The following PIAS2 variants were observed in gnomAD, a reference collection of about 807,000 sequenced individuals.
PIAS2 encodes the protein E3 SUMO-protein ligase PIAS2.
A neutral mutation model predicts 69.7 loss-of-function variants in PIAS2; 19 were observed. The ratio of observed to expected loss-of-function variants is 0.27; its 90% confidence interval spans 0.19 to 0.40. PIAS2 has a LOEUF of 0.40. Among genes scored for constraint, PIAS2 ranks in the 10% least tolerant of loss-of-function variants. PIAS2 has a pLI of 1.00. For synonymous variants in PIAS2, 261 were observed against 263.2 expected, an observed-to-expected ratio of 0.99 and a Z score of 0.08; for missense variants, 624 against 757.0, an observed-to-expected ratio of 0.82 and a Z score of 2.06.
chr18:46,860,437 C>T (rs900341214), intron 3 of PIAS2, among the ~76,000 whole-genome samples: 1 of 152,182 alleles, frequency 6.6e-6, no homozygotes, highest in Non-Finnish European at 1.5e-5. Flanking sequence ...CCCTGGAGAA[C>T]TGATCAATTC....
chr18:46,807,355 TTATATA>T lies in PIAS2; in HGVS notation c.*5072_*5077del, dbSNP rs1289254598. On this transcript the variant is annotated 3_prime_UTR_variant, in exon 14 of 14. Coordinates refer to ENST00000585916, the MANE Select transcript of PIAS2 (RefSeq NM_004671.5). ...AGGTGTTTCTGAAACATGTCAGATT[TTATATA>T]TATATATATATATATATATATATTT... is the stretch of plus-strand genomic sequence containing the variant. The T allele has an allele frequency of 9.3e-4, 28 of 29,966 alleles. 1 individual carries two copies. Among genetic ancestry groups the T allele is most frequent in the African/African-American group, 3.8e-3 (18 of 4,780 alleles). The allele number at this position is 29,966 out of a possible 1,614,324, so 1.9% of individuals were successfully genotyped here.
chr18:46,812,372 A>G lies in PIAS2; in HGVS notation c.*61T>C. The G allele has an allele frequency of 3.1e-6, 3 of 967,614 alleles. No homozygotes were observed. Among genetic ancestry groups the G allele is most frequent in the Non-Finnish European group, 4.6e-6 (3 of 648,592 alleles). 59.9% of individuals were successfully genotyped at this position (967,614 alleles called of 1,614,324 possible). On this transcript the variant is annotated 3_prime_UTR_variant, in exon 14 of 14. Coordinates refer to ENST00000585916, the MANE Select transcript of PIAS2 (RefSeq NM_004671.5). Reference sequence around the variant, plus strand: ...AAAAAAAAAAAGAACGTTTCCACAGACTAGAGATCCAAGAAAAAGCAGTTC... The same window carrying G: ...AAAAAAAAAAAGAACGTTTCCACAGGCTAGAGATCCAAGAAAAAGCAGTTC...
chr18:46,822,444 T>A (rs551974401), intron 11 of PIAS2, among the ~76,000 whole-genome samples: 21 of 152,264 alleles, frequency 1.4e-4, no homozygotes, highest in African/African-American at 5.1e-4. Context: ...CAGAAGGAAG[T>A]TATCTTCCAA....
Position 46,836,476 on chromosome 18 carries a change from A to C in PIAS2, c.1083T>G (p.Thr361=). The change falls in exon 9 of 14, where the codon ACT becomes ACG. Residue 361 remains threonine, a synonymous_variant. Transcript: ENST00000585916. Reference sequence around the variant, plus strand: ...CATCAAAACACTGCAGATGTGTACAAGTCACTGCACGGCATGGGATTGTCA... The same window carrying C: ...CATCAAAACACTGCAGATGTGTACACGTCACTGCACGGCATGGGATTGTCA... ...MRLTIPCRAV[T]CTHLQCFDAA... The C allele has an allele frequency of 6.2e-7, 1 of 1,613,898 alleles. No individual in the cohort carries two copies. The highest frequency in any genetic ancestry group is 8.5e-7 in the Non-Finnish European group (1 of 1,179,790).
At chr18:46,838,383 C>T (rs593340) in intron 8 of PIAS2, among the ~76,000 whole-genome samples, 67,012 of 151,970 alleles carry the variant, frequency 0.44, 14,859 homozygotes, top group Middle Eastern at 0.52. Context: ...AGTAACCTAA[C>T]GTTACAAAGT....
chr18:46,852,731 G>C (rs1167757015), intron 5 of PIAS2: 1 of 152,216 alleles, frequency 6.6e-6, no homozygotes, highest in East Asian at 1.9e-4. Context: ...ATGTGACACT[G>C]ACTGGTCCAT....
chr18:46,890,744 T>C lies in PIAS2; in HGVS notation c.335A>G (p.His112Arg). ...HSLPSTSVTPHSPSSPVGSVL... is the reference protein window; with the variant it reads ...HSLPSTSVTPRSPSSPVGSVL... Reference sequence around the variant, plus strand: ...AGAACCAACAGGAGAGGATGGTGAGTGAGGTGTAACTGAAGTGGAAGGCAA... The same window carrying C: ...AGAACCAACAGGAGAGGATGGTGAGCGAGGTGTAACTGAAGTGGAAGGCAA... Residue 112 changes from histidine to arginine, a missense_variant, in exon 2 of 14, where the codon CAC becomes CGC. His to Arg is a conservative substitution (Grantham distance 29). Around this residue, in one of 3 missense-constraint regions of PIAS2, gnomAD observed 339 missense variants for 408.8 expected, o/e 0.83. Coordinates refer to ENST00000585916, the MANE Select transcript of PIAS2 (RefSeq NM_004671.5). The C allele has an allele frequency of 1.2e-6, 2 of 1,613,970 alleles. No homozygotes were observed. The highest frequency in any genetic ancestry group is 1.7e-6 in the Non-Finnish European group (2 of 1,180,022).
rs147474211 is a variant in PIAS2, at chr18:46,816,941, A to G, written c.1649-1592T>C. The G allele has an allele frequency of 5.0e-4, 465 of 935,470 alleles. 9 individuals carry two copies. In the East Asian group the frequency reaches 0.036, roughly 73 times the overall value. The allele number at this position is 935,470 out of a possible 1,614,324, so 57.9% of individuals were successfully genotyped here. A position where few individuals can be genotyped will look rare whatever the true frequency, so the allele number is the denominator to read the frequency against. On this transcript the variant is annotated intron_variant, in intron 12 of 13. Coordinates refer to ENST00000585916, the MANE Select transcript of PIAS2 (RefSeq NM_004671.5). ...TGTCTTCATATTAATAATATTCAAT[A>G]AATCCTCTCCCTTCTTATGCCAAAC...
chr18:46,836,943 T>C (rs1231364125), intron 8 of PIAS2, among the ~76,000 whole-genome samples: 2 of 152,192 alleles, frequency 1.3e-5, no homozygotes, highest in East Asian at 1.9e-4. Context: ...ACTTCTGTCA[T>C]ATAACTTGGT....
In PIAS2 at chr18:46,811,584, A is replaced by T. The variant is rs1303731514; in HGVS notation, c.*849T>A. On this transcript the variant is annotated 3_prime_UTR_variant, in exon 14 of 14. Coordinates refer to ENST00000585916, the MANE Select transcript of PIAS2 (RefSeq NM_004671.5). ...TCCAGTCACACCGTACCCCAAAGAC[A>T]TTTCATTCAATGGCTGCATAGTTTC... 1 of 151,948 alleles carries T rather than the reference A, an allele frequency of 6.6e-6. No individual in the cohort carries two copies. The highest frequency in any genetic ancestry group is 1.5e-5 in the Non-Finnish European group (1 of 67,936). 9.4% of individuals were successfully genotyped at this position (151,948 alleles called of 1,614,324 possible).
chr18:46,839,934 G>T (rs1245723425), intron 8 of PIAS2, among the ~76,000 whole-genome samples: 1 of 151,338 alleles, frequency 6.6e-6, no homozygotes, highest in Non-Finnish European at 1.5e-5. Context: ...AAGCCGAGGC[G>T]GGGGAATCAC....
chr18:46,883,120 AAGAG>A (rs1014204028), intron 2 of PIAS2, among the ~76,000 whole-genome samples: 6 of 152,088 alleles, frequency 3.9e-5, no homozygotes, highest in South Asian at 2.1e-4. Context: ...AAAAAACAAA[AAGAG>A]AGAAGAGAAA....
intron 1 of PIAS2, among the ~76,000 whole-genome samples, chr18:46,900,659 G>A (rs979802204): frequency 2.6e-4 from 38 of 144,442 alleles, no homozygotes; most frequent in African/African-American, 9.0e-4. Context: ...CTGGGTGACA[G>A]AGTAAGACCT....
intron 2 of PIAS2, among the ~76,000 whole-genome samples, chr18:46,881,317 CATTTT>C (rs1211553543): frequency 6.6e-6 from 1 of 152,014 alleles, no homozygotes; most frequent in African/African-American, 2.4e-5. Flanking sequence ...GGGTGTGTAC[CATTTT>C]ATTTTCTATT....
intron 2 of PIAS2, among the ~76,000 whole-genome samples, chr18:46,870,592 G>A (rs1201503969): frequency 8.2e-6 from 1 of 122,150 alleles, no homozygotes; most frequent in Non-Finnish European, 1.6e-5. Context: ...CTCCAGCCTG[G>A]GCAACAGAGC....
chr18:46,829,906 G>A, intron 9 of PIAS2, 39 bp from the exon 10 acceptor site: 1 of 1,577,110 alleles, frequency 6.3e-7, no homozygotes, highest in Non-Finnish European at 8.6e-7. Flanking sequence ...GTGATCAACA[G>A]CTTTGCCTAA....
intron 2 of PIAS2, among the ~76,000 whole-genome samples, chr18:46,882,990 G>A (rs1399818588): frequency 6.6e-6 from 1 of 151,554 alleles, no homozygotes; most frequent in Non-Finnish European, 1.5e-5. Context: ...TATTGGGGAG[G>A]CTGCGGCAGG....
At chr18:46,914,262 A>G (rs2057558259) in intron 1 of PIAS2, among the ~76,000 whole-genome samples, 3 of 152,040 alleles carry the variant, frequency 2.0e-5, no homozygotes, top group African/African-American at 7.2e-5. Flanking sequence ...CTTTCCTTCA[A>G]TCCATCAGGA....
Position 46,808,261 on chromosome 18 carries a change from T to C in PIAS2, c.*4172A>G, listed in dbSNP as rs2040806606. The stretch of plus-strand genomic sequence containing the variant: ...GCAAGGAAGATGCAAAAATATCAAG[T>C]GATTTTTTCTGGTGACAGAATCATA... On this transcript the variant is annotated 3_prime_UTR_variant, in exon 14 of 14. Transcript: ENST00000585916. 1 of 152,184 alleles carries C rather than the reference T, an allele frequency of 6.6e-6. No individual in the cohort carries two copies. The highest frequency in any genetic ancestry group is 1.5e-5 in the Non-Finnish European group (1 of 68,022). 9.4% of individuals were successfully genotyped at this position (152,184 alleles called of 1,614,324 possible).
Sources: gnomAD v4.1 joint callset for allele counts (sites outside exome capture counted in the v4.1 genomes callset) on GRCh38, gnomAD v4.1.1 for gene constraint, gnomAD v4.1.1 regional missense constraint, MANE v1.5 for transcripts, NCBI Gene and HGNC (gene_info 2026-07-23, HGNC 2026-07-21) for gene names.